Variants in SMG7 observed in about 807,000 individuals in gnomAD.
SMG7 encodes the protein SMG7 nonsense mediated mRNA decay factor.
In SMG7, 34 loss-of-function variants were observed where a neutral mutation model predicts 148.2. The ratio of observed to expected loss-of-function variants is 0.23; its 90% CI spans 0.17 to 0.31. The LOEUF is 0.31. Among genes scored for constraint, SMG7 ranks in the 10% least tolerant of loss-of-function variants. The pLI is 1.00. For synonymous variants in SMG7, 492 were observed against 515.1 expected (o/e 0.96, Z 0.61); for missense variants, 1,114 against 1,408.4 (o/e 0.79, Z 3.35).
rs181879261 is a variant in SMG7, at chr1:183,544,857, A to T, written c.1988-73A>T. 4.4e-4 allele frequency: 523 copies of T among 1,192,452 alleles called. 2 individuals are homozygous for T. In the African/African-American group the frequency reaches 8.2e-3, roughly 19 times the overall value. The allele number at this position is 1,192,452 out of a possible 1,614,324, so 73.9% of individuals were successfully genotyped here. The stretch of plus-strand genomic sequence containing the variant: ...AGAAGACTCCCTCTACCTACCTGTT[A>T]AAAAAAAAATGACTTTTTTTGCAAT... On this transcript the variant is annotated intron_variant, in intron 15 of 22. Coordinates refer to ENST00000688051, the MANE Select transcript of SMG7 (RefSeq NM_001375584.1).
At chr1:183,477,525 T>C (rs1453485765) in intron 1 of SMG7, among the ~76,000 whole-genome samples, 1 of 151,336 alleles carries the variant, frequency 6.6e-6, no homozygotes, top group South Asian at 2.1e-4. Context: ...TACATGTGTG[T>C]GCATATGTGT....
chr1:183,529,445 C>T lies in SMG7; in HGVS notation c.755C>T (p.Ala252Val), dbSNP rs143466724. ...TKWGVSDFIK[A>V]FIKFHGHVYL... The stretch of plus-strand genomic sequence containing the variant: ...TGGGGTGTTTCTGACTTCATCAAGG[C>T]CTTTATTAAATTCCACGGTCATGTG... Residue 252 changes from alanine (A) to valine (V), a missense_variant, in exon 8 of 23, where the codon GCC becomes GTC. Ala to Val is a moderately conservative substitution (Grantham distance 64). Transcript: ENST00000688051. 637 of 1,613,234 alleles carry T rather than the reference C, an allele frequency of 3.9e-4. 5 individuals carry two copies. The East Asian group carries it at 0.014, about 34-fold the overall frequency.
rs914205885 is a variant in SMG7 at position 183,517,630 on chromosome 1, A to G, written c.180-58A>G. 7 of 1,540,632 alleles carry G rather than the reference A, an allele frequency of 4.5e-6. No individual in the cohort carries two copies. The African/African-American group carries it at 8.2e-5, about 18-fold the overall frequency. ...ACAGTTCTTTCTTGTTCTCAGGGGG[A>G]CCAGTGTCTGCCCAGTGAGTCACTG... On this transcript the variant is annotated intron_variant, in intron 3 of 22. Transcript: ENST00000688051.
chr1:183,477,947 G>GA (rs1373604611), intron 1 of SMG7, among the ~76,000 whole-genome samples: 1 of 152,052 alleles, frequency 6.6e-6, no homozygotes, highest in African/African-American at 2.4e-5. Context: ...TAAGCCAGCA[G>GA]AAAAATGGTT....
chr1:183,546,266 G>C lies in SMG7; in HGVS notation c.2671G>C (p.Asp891His), dbSNP rs371570443. Reference sequence around the variant, plus strand: ...TGTAATGGCACAGCAAGCAAACATAGACCGCAGGGGCAAACGGTCACCAGG... The same window carrying C: ...TGTAATGGCACAGCAAGCAAACATACACCGCAGGGGCAAACGGTCACCAGG... Reference protein sequence around the residue: ...RSVMAQQANIDRRGKRSPGVF... With the variant: ...RSVMAQQANIHRRGKRSPGVF... The change falls in exon 17 of 23, where the codon GAC becomes CAC. Residue 891 changes from aspartate (D) to histidine (H), a missense_variant. By Grantham distance (81) the Asp-to-His change is moderately conservative. Transcript: ENST00000688051. 32 of 1,613,868 alleles carry C rather than the reference G, an allele frequency of 2.0e-5. No individual in the cohort carries two copies. The highest frequency in any genetic ancestry group is 3.3e-5 in the Admixed American group (2 of 59,970).
chr1:183,528,743 A>G (rs1666345559), intron 6 of SMG7, 149 bp from the exon 7 acceptor site: 1 of 656,560 alleles, frequency 1.5e-6, no homozygotes, highest in South Asian at 2.0e-5. Flanking sequence ...GTGCTGTTGG[A>G]CCTTACGCTG....
rs755736726 is a variant in SMG7, at chr1:183,545,267, G to A, written c.2325G>A (p.Val775=). The A allele has an allele frequency of 1.2e-6, 2 of 1,613,030 alleles. No individual in the cohort carries two copies. The highest frequency in any genetic ancestry group is 1.7e-6 in the Non-Finnish European group (2 of 1,179,984). Residue 775 remains valine, a synonymous_variant, in exon 16 of 23, where the codon GTG becomes GTA. Transcript: ENST00000688051. ...TQQQQSPTKA[V]PALGKSPPHH... is the part of the protein sequence containing the mutation. ...AACAACAATCCCCTACAAAAGCTGT[G>A]CCGGCTTTGGGGAAAAGCCCGCCTC...
rs144712473 is a variant in SMG7 at position 183,526,677 on chromosome 1, A to G, written c.394A>G (p.Lys132Glu). 9,333 of 1,613,636 alleles carry G rather than the reference A, an allele frequency of 5.8e-3. 35 individuals are homozygous for G. Among genetic ancestry groups the G allele is most frequent in the Middle Eastern group, 7.3e-3 (44 of 6,058 alleles). ...TTCCCAATTGGGAATTATCAGCAAT[A>G]AACAGACGCATACCAGCGCCATAGT... ...KSSQLGIISN[K>E]QTHTSAIVKP... Residue 132 changes from lysine (K) to glutamate (E), a missense_variant, in exon 5 of 23, where the codon AAA (lysine) becomes GAA (glutamate). By Grantham distance (56) the Lys-to-Glu change is moderately conservative. Transcript: ENST00000688051.
intron 1 of SMG7, among the ~76,000 whole-genome samples, chr1:183,495,008 T>C (rs1413029204): frequency 2.0e-5 from 3 of 151,980 alleles, no homozygotes; most frequent in African/African-American, 7.3e-5. Flanking sequence ...TTGGTGTTTT[T>C]AGTAGAGACA....
rs1669037407 is a variant in SMG7 at position 183,542,427 on chromosome 1, C to G, written c.1767C>G (p.Asn589Lys). 1.2e-6 allele frequency: 2 copies of G among 1,613,936 alleles called. No homozygotes were observed. Among genetic ancestry groups the G allele is most frequent in the Admixed American group, 1.7e-5 (1 of 60,010 alleles). ...AGAATGATGGAAAGAAGGACAACAA[C>G]AAGAGGAAAACTGAAACCAAGAAAT... is the stretch of plus-strand genomic sequence containing the variant. ...VTKNDGKKDN[N>K]KRKTETKKCT... The change falls in exon 14 of 23, where the codon AAC becomes AAG. Residue 589 changes from asparagine (N) to lysine (K), a missense_variant. By Grantham distance (94) the Asn-to-Lys change is moderately conservative. Coordinates refer to ENST00000688051, the MANE Select transcript of SMG7 (RefSeq NM_001375584.1).
At chr1:183,542,662 AC>A (rs1197270456) in intron 14 of SMG7, among the ~76,000 whole-genome samples, 160 bp downstream of exon 14, 1 of 152,188 alleles carries the variant, frequency 6.6e-6, no homozygotes, top group Non-Finnish European at 1.5e-5. Context: ...ATAGATGGTT[AC>A]TTTTTCAATT....
intron 18 of SMG7, chr1:183,548,827 TA>T (rs1338626918): frequency 2.7e-5 from 5 of 185,086 alleles, no homozygotes; most frequent in Non-Finnish European, 5.6e-5. Flanking sequence ...GTTAATGTTT[TA>T]AAAATTGTGG....
Position 183,546,265 on chromosome 1 carries a change from A to G in SMG7, c.2670A>G (p.Ile890Met), listed in dbSNP as rs1558063697. ...CTGTAATGGCACAGCAAGCAAACAT[A>G]GACCGCAGGGGCAAACGGTCACCAG... ...NRSVMAQQAN[I>M]DRRGKRSPGV... is the part of the protein sequence containing the mutation. The change falls in exon 17 of 23, where the codon ATA becomes ATG. Residue 890 changes from isoleucine (I) to methionine (M), a missense_variant. Ile to Met is a conservative substitution (Grantham distance 10). This residue lies in a region of SMG7 where 788 missense variants were observed against 894.5 expected (regional missense o/e 0.88). Coordinates refer to ENST00000688051, the MANE Select transcript of SMG7 (RefSeq NM_001375584.1). 1.2e-6 allele frequency: 2 copies of G among 1,614,052 alleles called. No homozygotes were observed. Among genetic ancestry groups the G allele is most frequent in the Non-Finnish European group, 1.7e-6 (2 of 1,179,948 alleles).
chr1:183,506,288 C>T (rs147243725), intron 1 of SMG7, among the ~76,000 whole-genome samples: 210 of 152,220 alleles, frequency 1.4e-3, no homozygotes, highest in African/African-American at 5.0e-3. Context: ...GAAAATCCTT[C>T]ATGAGCCCTA....
chr1:183,506,824 T>C (rs184465770), intron 1 of SMG7, among the ~76,000 whole-genome samples: 1 of 151,716 alleles, frequency 6.6e-6, no homozygotes, highest in African/African-American at 2.4e-5. Context: ...TTATGTGCCC[T>C]GATTTGGAAA....
chr1:183,545,852 C>A, intron 16 of SMG7, 114 bp from the exon 17 acceptor site: 1 of 1,258,736 alleles, frequency 7.9e-7, no homozygotes, highest in Non-Finnish European at 1.1e-6. Context: ...TGCTGCCTTG[C>A]CTAGAGTTTT....
At chr1:183,491,236 A>G (rs1449686113) in intron 1 of SMG7, among the ~76,000 whole-genome samples, 3 of 152,238 alleles carry the variant, frequency 2.0e-5, no homozygotes, top group African/African-American at 7.2e-5. Context: ...CTGTTGGCAT[A>G]AAACATGCCA....
intron 4 of SMG7, 114 bp downstream of exon 4, chr1:183,517,934 G>A: frequency 9.6e-7 from 1 of 1,046,552 alleles, no homozygotes; most frequent in Non-Finnish European, 1.4e-6. Context: ...GGCCATCCAG[G>A]GATTGATCAC....
At chr1:183,510,940 G>A (rs551563363) in intron 1 of SMG7, among the ~76,000 whole-genome samples, 3 of 151,680 alleles carry the variant, frequency 2.0e-5, no homozygotes, top group Admixed American at 1.3e-4. Flanking sequence ...GCAGTGAGCC[G>A]AGATCGTGCT....
Sources: gnomAD v4.1 joint callset for allele counts (sites outside exome capture counted in the v4.1 genomes callset) on GRCh38, gnomAD v4.1.1 for gene constraint, gnomAD v4.1.1 regional missense constraint, MANE v1.5 for transcripts, NCBI Gene and HGNC (gene_info 2026-07-23, HGNC 2026-07-21) for gene names.